Variants in RALYL observed in about 807,000 individuals in gnomAD.
The protein encoded by RALYL is RNA-binding Raly-like protein.
RALYL carries 29 observed loss-of-function variants against 35.1 expected under a neutral mutation model. The observed-to-expected ratio is 0.83, with a 90% CI of 0.61 to 1.13. The LOEUF (loss-of-function observed/expected upper bound fraction) is 1.13. RALYL is among the 50% of genes most tolerant of loss of function. The pLI, the probability that RALYL is intolerant of heterozygous loss-of-function variation, is 0.00. For missense variants in RALYL, 359 were observed against 360.4 expected, an observed-to-expected ratio of 1.00 and a Z score of 0.03; for synonymous variants, 120 against 127.6, an observed-to-expected ratio of 0.94 and a Z score of 0.40.
chr8:84,519,128 G>C (rs1426149276), intron 1 of RALYL, among the ~76,000 whole-genome samples: 1 of 152,076 alleles, frequency 6.6e-6, no homozygotes, highest in African/African-American at 2.4e-5. Flanking sequence ...TGACTCTCCA[G>C]ATTTGCTTTG....
intron 2 of RALYL, among the ~76,000 whole-genome samples, chr8:84,609,916 CAAGA>C (rs1270412897): frequency 1.3e-5 from 2 of 152,072 alleles, no homozygotes; most frequent in Non-Finnish European, 2.9e-5. Flanking sequence ...TAGTGGCAGG[CAAGA>C]GAGAGCGTAT....
chr8:84,540,814 A>C (rs369113610), intron 2 of RALYL, among the ~76,000 whole-genome samples: 1 of 152,018 alleles, frequency 6.6e-6, no homozygotes, highest in Admixed American at 6.6e-5. Context: ...AACTATCTTT[A>C]ATACAGATCT....
intron 2 of RALYL, among the ~76,000 whole-genome samples, chr8:84,661,801 T>C (rs922883380): frequency 6.9e-4 from 105 of 152,192 alleles, no homozygotes; most frequent in African/African-American, 2.5e-3. Context: ...CCTAAGTGTA[T>C]GGTTATTTAT....
At chr8:84,468,474 C>T (rs201723762) in intron 1 of RALYL, among the ~76,000 whole-genome samples, 37,487 of 141,268 alleles carry the variant, frequency 0.27, 6,393 homozygotes, top group South Asian at 0.43. Flanking sequence ...CATTGGCCCC[C>T]ACTCTCTTCT....
intron 6 of RALYL, among the ~76,000 whole-genome samples, chr8:84,866,353 T>C (rs1410656822): frequency 6.6e-6 from 1 of 152,164 alleles, no homozygotes; most frequent in Non-Finnish European, 1.5e-5. Flanking sequence ...TACCTGGAAA[T>C]TGAAAATAAT....
intron 8 of RALYL, among the ~76,000 whole-genome samples, chr8:84,919,860 G>T (rs1166653508): frequency 6.6e-6 from 1 of 151,864 alleles, no homozygotes; most frequent in Non-Finnish European, 1.5e-5. Context: ...AGATTTGAGG[G>T]AGGCACATCT....
intron 1 of RALYL, among the ~76,000 whole-genome samples, chr8:84,467,670 T>A (rs1174626558): frequency 3.7e-4 from 56 of 152,136 alleles, no homozygotes; most frequent in South Asian, 1.5e-3. Flanking sequence ...CACTTGGTGC[T>A]GAGCTGAGTT....
At chr8:84,665,727 TTTA>T (rs1170707930) in intron 2 of RALYL, 1 of 151,864 alleles carries the variant, frequency 6.6e-6, no homozygotes, top group Non-Finnish European at 1.5e-5. Flanking sequence ...AGAAGTCTAT[TTTA>T]TTAATTTTTT....
At chr8:84,545,187 A>G (rs2060275520) in intron 2 of RALYL, among the ~76,000 whole-genome samples, 1 of 152,108 alleles carries the variant, frequency 6.6e-6, no homozygotes. Context: ...TTTATAATCC[A>G]TCTTTTCCTC....
chr8:84,735,821 A>C (rs868162282), intron 2 of RALYL, among the ~76,000 whole-genome samples: 1 of 149,888 alleles, frequency 6.7e-6, no homozygotes, highest in African/African-American at 2.5e-5. Flanking sequence ...CGAGAGAGAG[A>C]GAGAGAGAGA....
intron 5 of RALYL, among the ~76,000 whole-genome samples, chr8:84,858,220 TAAAG>T (rs1265659501): frequency 6.6e-6 from 1 of 152,148 alleles, no homozygotes; most frequent in East Asian, 1.9e-4. Context: ...GTTTATTAAA[TAAAG>T]AAATTAAATT....
intron 1 of RALYL, among the ~76,000 whole-genome samples, chr8:84,431,749 A>G (rs1266388040): frequency 6.6e-6 from 1 of 152,138 alleles, no homozygotes; most frequent in East Asian, 1.9e-4. Flanking sequence ...GTGGCTGAAT[A>G]GCATTCCATT....
intron 2 of RALYL, among the ~76,000 whole-genome samples, chr8:84,531,212 C>A (rs1055079347): frequency 3.9e-5 from 6 of 152,132 alleles, no homozygotes; most frequent in African/African-American, 1.4e-4. Context: ...ATAGAGAAAT[C>A]AAGCTAGGAG....
chr8:84,919,606 T>C (rs1849007074), intron 8 of RALYL, among the ~76,000 whole-genome samples: 1 of 151,856 alleles, frequency 6.6e-6, no homozygotes, highest in African/African-American at 2.4e-5. Context: ...ACAGTATGAA[T>C]TGGGTAAGGA....
intron 3 of RALYL, among the ~76,000 whole-genome samples, chr8:84,789,378 A>G (rs1820275829): frequency 6.6e-6 from 1 of 152,230 alleles, no homozygotes; most frequent in Admixed American, 6.5e-5. Flanking sequence ...ACTATCTACA[A>G]CATCAGTGGC....
At chr8:84,814,809 A>G (rs1006592151) in intron 4 of RALYL, among the ~76,000 whole-genome samples, 2 of 152,128 alleles carry the variant, frequency 1.3e-5, no homozygotes, top group Non-Finnish European at 2.9e-5. Flanking sequence ...TTGAGGGGGG[A>G]AAAAAGACCT....
intron 1 of RALYL, among the ~76,000 whole-genome samples, chr8:84,468,783 A>G (rs932913145): frequency 1.3e-5 from 2 of 151,956 alleles, no homozygotes; most frequent in Non-Finnish European, 2.9e-5. Flanking sequence ...AGGTACACCA[A>G]TCAGACGTAG....
intron 2 of RALYL, among the ~76,000 whole-genome samples, chr8:84,554,950 T>C (rs2060991785): frequency 6.6e-6 from 1 of 152,024 alleles, no homozygotes; most frequent in Non-Finnish European, 1.5e-5. Flanking sequence ...GTCATAACTC[T>C]TTTTTTACCT....
chr8:84,522,433 T>G (rs2058532807), intron 1 of RALYL, among the ~76,000 whole-genome samples: 1 of 151,804 alleles, frequency 6.6e-6, no homozygotes, highest in Non-Finnish European at 1.5e-5. Flanking sequence ...GTATTTTTAG[T>G]AGAGACGGGG....
Sources: gnomAD v4.1 joint callset for allele counts (sites outside exome capture counted in the v4.1 genomes callset) on GRCh38, gnomAD v4.1.1 for gene constraint, MANE v1.5 for transcripts, NCBI Gene and HGNC (gene_info 2026-07-23, HGNC 2026-07-21) for gene names.